The following TMEM132E variants were observed in gnomAD, a reference collection of about 807,000 sequenced individuals.
The protein encoded by TMEM132E is transmembrane protein 132E.
A neutral mutation model predicts 78.5 loss-of-function variants in TMEM132E; 49 were observed. The observed-to-expected ratio is 0.62, with a 90% CI of 0.50 to 0.79. TMEM132E has a LOEUF of 0.79. Among genes scored for constraint, TMEM132E ranks in the 30% least tolerant of loss-of-function variants. The probability of loss-of-function intolerance (pLI) is 0.00; values close to 1 mark genes in which losing one functional copy is unlikely to be tolerated. For missense variants in TMEM132E, 1,403 were observed against 1,470.9 expected (o/e 0.95, Z 0.75); for synonymous variants, 715 against 670.6 (o/e 1.07, Z -1.02).
At chr17:34,616,523 C>T (rs1906784618) in intron 1 of TMEM132E, among the ~76,000 whole-genome samples, 1 of 152,184 alleles carries the variant, frequency 6.6e-6, no homozygotes, top group Non-Finnish European at 1.5e-5. Context: ...GCTCCTAGCG[C>T]AGCCCAGGCT....
chr17:34,633,661 T>C (rs73284100), intron 6 of TMEM132E, among the ~76,000 whole-genome samples: 1,547 of 152,284 alleles, frequency 0.01, 39 homozygotes, highest in South Asian at 0.097. Context: ...GAGAAACAGG[T>C]GGCCAAGTGA....
At chr17:34,617,784 C>A (rs190718341) in intron 1 of TMEM132E, among the ~76,000 whole-genome samples, 5 of 152,252 alleles carry the variant, frequency 3.3e-5, no homozygotes, top group South Asian at 2.1e-4. Context: ...AAAAAAAATT[C>A]TTGGAACAAC....
rs557107423 is a variant in TMEM132E at position 34,621,829 on chromosome 17, T to C, written c.68-4298T>C. 2.0e-5 allele frequency among the ~76,000 whole-genome samples: 3 copies of C among 152,204 alleles called. No individual in the cohort carries two copies. The South Asian group carries it at 6.2e-4, about 32-fold the overall frequency. ...GCAGGTGCCAGCCTGTGTGTGTGTGTGTGTGTGTGTCCTCCCAGGTCAGTC... is the reference window on the plus strand; with the variant it reads ...GCAGGTGCCAGCCTGTGTGTGTGTGCGTGTGTGTGTCCTCCCAGGTCAGTC... On this transcript the variant is annotated intron_variant, in intron 1 of 8. Coordinates refer to ENST00000631683, the MANE Select transcript of TMEM132E (RefSeq NM_001304438.2).
chr17:34,611,163 A>G (rs577788213), intron 1 of TMEM132E, among the ~76,000 whole-genome samples: 2 of 152,400 alleles, frequency 1.3e-5, no homozygotes, highest in Non-Finnish European at 2.9e-5. Context: ...CAGAGGGAAC[A>G]GCATGTGCAA....
At position 34,581,153 on chromosome 17, in the gene TMEM132E, G is replaced by C; in HGVS notation, c.67+10G>C. The C allele has an allele frequency of 1.3e-6, 2 of 1,507,534 alleles. No homozygotes were observed. Among genetic ancestry groups the C allele is most frequent in the Non-Finnish European group, 1.8e-6 (2 of 1,132,624 alleles). 93.4% of individuals were successfully genotyped at this position (1,507,534 alleles called of 1,614,324 possible). On this transcript the variant is annotated intron_variant, in intron 1 of 8. Coordinates refer to ENST00000631683, the MANE Select transcript of TMEM132E (RefSeq NM_001304438.2). ...GCGCTACTCGCCCACGGTAAGTGTC[G>C]CGGCGCGGACTGGGGGTGAGGATGC...
intron 8 of TMEM132E, among the ~76,000 whole-genome samples, chr17:34,636,833 G>A (rs1297055733): frequency 6.6e-6 from 1 of 152,216 alleles, no homozygotes; most frequent in Non-Finnish European, 1.5e-5. Flanking sequence ...ATGGAGATAT[G>A]GAGCTATTCC....
chr17:34,635,644 A>C, intron 7 of TMEM132E: 1 of 215,450 alleles, frequency 4.6e-6, no homozygotes, highest in Admixed American at 5.8e-5. Flanking sequence ...GGTGCCTCCT[A>C]TACACGAGAA....
At chr17:34,635,878 T>C in intron 7 of TMEM132E, 129 bp from the exon 8 acceptor site, 1 of 958,270 alleles carries the variant, frequency 1.0e-6, no homozygotes, top group Non-Finnish European at 1.4e-6. Context: ...TGCGAAGTCC[T>C]GCCTCCCAGC....
rs1428157041 is a variant in TMEM132E at position 34,628,814 on chromosome 17, C to T, written c.1145+105C>T. On this transcript the variant is annotated intron_variant, in intron 3 of 8. Transcript: ENST00000631683. ...GCTAGGCTTGGGGAGGGCTGGGGCT[C>T]GGTCATTGGGGTCTCTGAGGTCCAG... 18 of 1,428,952 alleles carry T rather than the reference C, an allele frequency of 1.3e-5. No individual in the cohort carries two copies. In the African/African-American group the frequency reaches 1.9e-4, roughly 15 times the overall value. 88.5% of individuals were successfully genotyped at this position (1,428,952 alleles called of 1,614,324 possible). A position where few individuals can be genotyped will look rare whatever the true frequency, so the allele number is the denominator to read the frequency against.
intron 1 of TMEM132E, among the ~76,000 whole-genome samples, chr17:34,620,077 A>C (rs542585714): frequency 6.6e-6 from 1 of 152,358 alleles, no homozygotes; most frequent in African/African-American, 2.4e-5. Context: ...TCTTGATTAG[A>C]AGCAGAGACA....
chr17:34,632,931 G>A (rs1225711109), intron 6 of TMEM132E, 22 bp downstream of exon 6: 17 of 1,612,574 alleles, frequency 1.1e-5, no homozygotes, highest in South Asian at 4.4e-5. Flanking sequence ...CTCCCATGGC[G>A]GATACTTGGG....
chr17:34,593,716 T>C (rs895204880), intron 1 of TMEM132E, among the ~76,000 whole-genome samples: 3 of 152,384 alleles, frequency 2.0e-5, no homozygotes, highest in Non-Finnish European at 2.9e-5. Context: ...AGCTGCCTCC[T>C]AAGGCCACTT....
intron 1 of TMEM132E, among the ~76,000 whole-genome samples, chr17:34,614,094 G>C (rs1906699589): frequency 6.6e-6 from 1 of 152,182 alleles, no homozygotes; most frequent in African/African-American, 2.4e-5. Flanking sequence ...TGAAGGTGAG[G>C]GCTCTCATCA....
At position 34,629,214 on chromosome 17, in the gene TMEM132E, C is replaced by CA; in HGVS notation, c.1338+11dup. 6.2e-7 allele frequency: 1 copy of CA among 1,613,050 alleles called. No homozygotes were observed. The highest frequency in any genetic ancestry group is 1.1e-5 in the South Asian group (1 of 90,918). Reference sequence around the variant, plus strand: ...CCTGCCCCTGGCCATGGTGAGCAGGCAGGTGACCAGCCCAGAAGATGCCTG... The same window carrying CA: ...CCTGCCCCTGGCCATGGTGAGCAGGCAAGGTGACCAGCCCAGAAGATGCCTG... On this transcript the variant is annotated intron_variant, in intron 4 of 8. Transcript: ENST00000631683.
chr17:34,613,211 A>ACACACACACACACGCGCG, intron 1 of TMEM132E, among the ~76,000 whole-genome samples: 1,645 of 115,764 alleles, frequency 0.014, 42 homozygotes, highest in Admixed American at 0.04. Flanking sequence ...ACACACACAC[A>ACACACACACACACGCGCG]CGCGCGCGCG....
chr17:34,603,112 C>T (rs375267193), intron 1 of TMEM132E, among the ~76,000 whole-genome samples: 5 of 152,128 alleles, frequency 3.3e-5, no homozygotes, highest in South Asian at 2.1e-4. Flanking sequence ...AAGTCCTTTT[C>T]GTGGCTGCAT....
In TMEM132E at chr17:34,610,114, T is replaced by C. The variant is rs1457979118; in HGVS notation, c.68-16013T>C. Among the ~76,000 whole-genome samples, 3 of 152,146 alleles carry C rather than the reference T, an allele frequency of 2.0e-5. No individual in the cohort carries two copies. The East Asian group carries it at 5.8e-4, about 29-fold the overall frequency. ...CCTGAAAGCCTTTCTTTTGTGGGCA[T>C]CTGGCTCTCAGAATGCTCAGGGAGC... On this transcript the variant is annotated intron_variant, in intron 1 of 8. Transcript: ENST00000631683.
At chr17:34,636,318 C>A in intron 8 of TMEM132E, 120 bp downstream of exon 8, 1 of 1,032,500 alleles carries the variant, frequency 9.7e-7, no homozygotes, top group Non-Finnish European at 1.3e-6. Flanking sequence ...TGGAGGATCT[C>A]TGCCCTCCAT....
At chr17:34,596,709 T>G (rs907845507) in intron 1 of TMEM132E, among the ~76,000 whole-genome samples, 3 of 151,988 alleles carry the variant, frequency 2.0e-5, no homozygotes, top group Non-Finnish European at 4.4e-5. Context: ...CTGCAGGTCC[T>G]CCTCAGAATC....
Sources: gnomAD v4.1 joint callset for allele counts (sites outside exome capture counted in the v4.1 genomes callset) on GRCh38, gnomAD v4.1.1 for gene constraint, MANE v1.5 for transcripts, NCBI Gene and HGNC (gene_info 2026-07-23, HGNC 2026-07-21) for gene names.